The following CLDN16 variants were observed in gnomAD, a reference collection of about 807,000 sequenced individuals.
CLDN16 encodes claudin-16.
In CLDN16, 13 loss-of-function variants were observed where a neutral mutation model predicts 24.6. The ratio of observed to expected loss-of-function variants is 0.53; its 90% CI spans 0.34 to 0.84. CLDN16 has a LOEUF of 0.84. Among genes scored for constraint, CLDN16 ranks in the 40% least tolerant of loss-of-function variants. The pLI is 0.01. For missense variants in CLDN16, 298 were observed against 292.7 expected (o/e 1.02, Z -0.13); for synonymous variants, 116 against 106.7 (o/e 1.09, Z -0.54).
Position 190,325,031 on chromosome 3 carries a change from C to A in CLDN16, n.121+2370C>A, listed in dbSNP as rs144277930. Among the ~76,000 whole-genome samples the A allele has an allele frequency of 5.7e-3, 867 of 152,290 alleles. 1 individual carries two copies. Among genetic ancestry groups the A allele is most frequent in the Middle Eastern group, 0.027 (8 of 294 alleles). Reference sequence around the variant, plus strand: ...CTTCTTTTCTTCCTCAGTTTCCCTACCAATAAAAGGGATGGGGTTAATTTC... The same window carrying A: ...CTTCTTTTCTTCCTCAGTTTCCCTAACAATAAAAGGGATGGGGTTAATTTC... On this transcript the variant is annotated intron_variant and non_coding_transcript_variant, in intron 1 of 4. Coordinates refer to the CLDN16 transcript ENST00000468220.
intron 3 of CLDN16, among the ~76,000 whole-genome samples, chr3:190,406,987 G>A (rs963901159): frequency 4.6e-5 from 7 of 152,054 alleles, no homozygotes; most frequent in African/African-American, 7.2e-5. Flanking sequence ...TGATCCGCCC[G>A]CCTCGGCCCC....
chr3:190,311,244 A>G, the CLDN16 span, among the ~76,000 whole-genome samples: 1 of 152,246 alleles, frequency 6.6e-6, no homozygotes, highest in South Asian at 2.1e-4. Flanking sequence ...CGAAGGAAGA[A>G]TGCAATGCAT....
At chr3:190,361,801 T>G (rs1443828376) in intron 1 of CLDN16, among the ~76,000 whole-genome samples, 2 of 151,892 alleles carry the variant, frequency 1.3e-5, no homozygotes, top group African/African-American at 4.8e-5. Flanking sequence ...ACAGGGGAAT[T>G]CCAGCAGCTG....
chr3:190,388,159 T>C (rs960613047), upstream of CLDN16: 1 of 1,614,032 alleles, frequency 6.2e-7, no homozygotes, highest in Non-Finnish European at 8.5e-7. Context: ...AGCCTGTTTG[T>C]ATTATTCTTA....
In CLDN16 at chr3:190,388,462, C is replaced by A; in HGVS notation, c.114+19C>A. On this transcript the variant is annotated intron_variant, in intron 1 of 4. Transcript: ENST00000264734. ...TCTGGAGGTAAGAAGATAGCAGCTT[C>A]TTTTCATGATCCAGGCCAGCCCAAA... 6.2e-7 allele frequency: 1 copy of A among 1,611,676 alleles called. No homozygotes were observed. Among genetic ancestry groups the A allele is most frequent in the Non-Finnish European group, 8.5e-7 (1 of 1,177,768 alleles).
intron 1 of CLDN16, among the ~76,000 whole-genome samples, chr3:190,390,849 G>A (rs1718636840): frequency 6.6e-6 from 1 of 152,060 alleles, no homozygotes; most frequent in African/African-American, 2.4e-5. Context: ...GTACTGGTGT[G>A]ATCATATCTC....
chr3:190,385,437 A>G (rs1262238578), upstream of CLDN16, among the ~76,000 whole-genome samples: 1 of 152,168 alleles, frequency 6.6e-6, no homozygotes, highest in Non-Finnish European at 1.5e-5. Flanking sequence ...GCAAGCCTGA[A>G]TGTTTTATGT....
intron 1 of CLDN16, among the ~76,000 whole-genome samples, chr3:190,364,854 C>T (rs1465859191): frequency 1.3e-5 from 2 of 150,860 alleles, no homozygotes; most frequent in Non-Finnish European, 3.0e-5. Flanking sequence ...GTGATTATAT[C>T]GGCACGCCCC....
At chr3:190,362,040 G>GGTCTAACCTA (rs1717900091) in intron 1 of CLDN16, among the ~76,000 whole-genome samples, 1 of 151,286 alleles carries the variant, frequency 6.6e-6, no homozygotes, top group Admixed American at 6.6e-5. Context: ...GGTCTAACCT[G>GGTCTAACCTA]GTCTAACCTG....
intron 1 of CLDN16, among the ~76,000 whole-genome samples, chr3:190,331,400 G>A (rs994093994): frequency 1.3e-5 from 2 of 152,160 alleles, no homozygotes; most frequent in African/African-American, 4.8e-5. Flanking sequence ...GGTAAAAATT[G>A]TCTTTGGAAT....
At chr3:190,393,555 G>C (rs1718733895) in intron 1 of CLDN16, among the ~76,000 whole-genome samples, 1 of 152,168 alleles carries the variant, frequency 6.6e-6, no homozygotes, top group Admixed American at 6.5e-5. Flanking sequence ...AGGCAGATAT[G>C]AATCAGCCAA....
intron 1 of CLDN16, among the ~76,000 whole-genome samples, chr3:190,395,992 G>T (rs1718810539): frequency 6.6e-6 from 1 of 152,054 alleles, no homozygotes; most frequent in Non-Finnish European, 1.5e-5. Flanking sequence ...TAATTCTCAA[G>T]TATTTTTTAG....
At chr3:190,312,301 G>C in the CLDN16 span, among the ~76,000 whole-genome samples, 69 of 106,564 alleles carry the variant, frequency 6.5e-4, 1 homozygote, top group East Asian at 0.02. Flanking sequence ...AGGTATTTCT[G>C]TATTTTTTTT....
At chr3:190,402,808 A>G (rs1718997927) in intron 2 of CLDN16, among the ~76,000 whole-genome samples, 1 of 152,132 alleles carries the variant, frequency 6.6e-6, no homozygotes, top group African/African-American at 2.4e-5. Context: ...GGGGGAAAGC[A>G]TTTCAGAGAT....
chr3:190,303,638 C>G, the CLDN16 span, among the ~76,000 whole-genome samples: 1 of 152,170 alleles, frequency 6.6e-6, no homozygotes, highest in African/African-American at 2.4e-5. Context: ...GCTAAGGACT[C>G]TCCTGAAAAT....
intron 1 of CLDN16, among the ~76,000 whole-genome samples, chr3:190,355,836 G>A (rs1717758040): frequency 6.6e-6 from 1 of 151,682 alleles, no homozygotes; most frequent in African/African-American, 2.4e-5. Context: ...AAAAAGTGAA[G>A]CATTTTTTTA....
chr3:190,412,131 G>A lies in CLDN16; in HGVS notation c.*2095G>A, dbSNP rs945638320. 1 of 151,988 alleles carries A rather than the reference G, an allele frequency of 6.6e-6. No individual in the cohort carries two copies. The highest frequency in any genetic ancestry group is 2.4e-5 in the African/African-American group (1 of 41,412). 9.4% of individuals were successfully genotyped at this position (151,988 alleles called of 1,614,324 possible). A position where few individuals can be genotyped will look rare whatever the true frequency, so the allele number is the denominator to read the frequency against. ...ATTTTTTTCTCAATTAAAACATTTTGTATGTAATGGGAGGAATGTCAAGAT... is the reference window on the plus strand; with the variant it reads ...ATTTTTTTCTCAATTAAAACATTTTATATGTAATGGGAGGAATGTCAAGAT... On this transcript the variant is annotated 3_prime_UTR_variant, in exon 5 of 5. Transcript: ENST00000264734.
At position 190,350,337 on chromosome 3, in the gene CLDN16, CATA is replaced by C. The variant is rs1463275149; in HGVS notation, n.122-20553_122-20551del. ...TACTTGAAGTTTAAGAATCATAGTT[CATA>C]ATGTTATATATATATATATATATAT... On this transcript the variant is annotated intron_variant and non_coding_transcript_variant, in intron 1 of 4. Transcript: ENST00000468220. 3.2e-5 allele frequency among the ~76,000 whole-genome samples: 3 copies of C among 93,818 alleles called. No individual in the cohort carries two copies. In the East Asian group the frequency reaches 1.2e-3, roughly 37 times the overall value. 61.5% of individuals were successfully genotyped at this position (93,818 alleles called of 152,430 possible).
chr3:190,397,326 T>C (rs1718845213), intron 1 of CLDN16, among the ~76,000 whole-genome samples: 1 of 144,518 alleles, frequency 6.9e-6, no homozygotes, highest in Non-Finnish European at 1.5e-5. Flanking sequence ...ATAAGTTGCA[T>C]GTTAGAAGGA....
Sources: gnomAD v4.1 joint callset for allele counts (sites outside exome capture counted in the v4.1 genomes callset) on GRCh38, gnomAD v4.1.1 for gene constraint, MANE v1.5 for transcripts, NCBI Gene and HGNC (gene_info 2026-07-23, HGNC 2026-07-21) for gene names.